KLHL26: variants seen among roughly 807,000 people sequenced by gnomAD.
KLHL26 encodes the protein kelch-like protein 26.
A neutral mutation model predicts 7.1 loss-of-function variants in KLHL26; 4 were observed. The ratio of observed to expected loss-of-function variants is 0.56; its 90% CI spans 0.28 to 1.28. The LOEUF (loss-of-function observed/expected upper bound fraction) is 1.28, where lower values mean the gene tolerates loss of function less well. Among genes scored for constraint, KLHL26 ranks in the 50% most tolerant of loss-of-function variants. KLHL26 has a pLI of 0.11. For missense variants in KLHL26, 896 were observed against 924.6 expected, an observed-to-expected ratio of 0.97 and a Z score of 0.40; for synonymous variants, 465 against 414.1, an observed-to-expected ratio of 1.12 and a Z score of -1.49.
At chr19:18,642,228 C>G (rs1372368339) in intron 1 of KLHL26, among the ~76,000 whole-genome samples, 1 of 152,068 alleles carries the variant, frequency 6.6e-6, no homozygotes, top group African/African-American at 2.4e-5. Flanking sequence ...TCAACCTGCC[C>G]ACGTCTCCTT....
At chr19:18,653,369 ACCAC>A (rs1488364894) in intron 1 of KLHL26, among the ~76,000 whole-genome samples, 1 of 62,596 alleles carries the variant, frequency 1.6e-5, no homozygotes, top group Non-Finnish European at 3.3e-5. Flanking sequence ...CATCCACCCC[ACCAC>A]CCACCCACCC....
intron 1 of KLHL26, among the ~76,000 whole-genome samples, chr19:18,663,279 C>T (rs1485746075): frequency 6.6e-6 from 1 of 152,184 alleles, no homozygotes; most frequent in Non-Finnish European, 1.5e-5. Context: ...GCCCCTCTCC[C>T]CGGCAGTTTG....
chr19:18,668,715 T>G lies in KLHL26; in HGVS notation c.1318T>G (p.Trp440Gly). ...VERYCPRRNE[W>G]GYACSLKRRT... Reference sequence around the variant, plus strand: ...GCGGTACTGCCCCCGGCGCAATGAGTGGGGCTACGCCTGCTCGCTGAAGCG... The same window carrying G: ...GCGGTACTGCCCCCGGCGCAATGAGGGGGGCTACGCCTGCTCGCTGAAGCG... The change falls in exon 3 of 3, where the codon TGG (tryptophan) becomes GGG (glycine). Residue 440 changes from tryptophan (W) to glycine (G), a missense_variant. By Grantham distance (184) the Trp-to-Gly change is radical (BLOSUM62 -2). Coordinates refer to ENST00000300976, the MANE Select transcript of KLHL26 (RefSeq NM_018316.3). The G allele has an allele frequency of 6.4e-7, 1 of 1,572,226 alleles. No individual in the cohort carries two copies. The highest frequency in any genetic ancestry group is 8.6e-7 in the Non-Finnish European group (1 of 1,163,780).
rs2052515085 is a variant in KLHL26 at position 18,670,330 on chromosome 19, A to C, written c.*1085A>C. 1 of 151,148 alleles carries C rather than the reference A, an allele frequency of 6.6e-6. No individual in the cohort carries two copies. Among genetic ancestry groups the C allele is most frequent in the Non-Finnish European group, 1.5e-5 (1 of 67,620 alleles). 9.4% of individuals were successfully genotyped at this position (151,148 alleles called of 1,614,324 possible). A position where few individuals can be genotyped will look rare whatever the true frequency, so the allele number is the denominator to read the frequency against. ...AGAAGCCAGCACTGCTGTCTCATAG[A>C]TGGGATTTGTACTCTTGGGGCAACT... On this transcript the variant is annotated 3_prime_UTR_variant, in exon 3 of 3. Transcript: ENST00000300976.
At chr19:18,667,190 C>T (rs988398689) in intron 2 of KLHL26, among the ~76,000 whole-genome samples, 4 of 151,368 alleles carry the variant, frequency 2.6e-5, no homozygotes, top group Non-Finnish European at 5.9e-5. Context: ...GACAGAGTCT[C>T]ACTCTTATTG....
rs925865415 is a variant in KLHL26, at chr19:18,649,918, G to A, written c.83+12781G>A. Among the ~76,000 whole-genome samples the A allele has an allele frequency of 2.0e-5, 3 of 152,224 alleles. No homozygotes were observed. Among genetic ancestry groups the A allele is most frequent in the African/African-American group, 7.2e-5 (3 of 41,452 alleles). ...GATTTCAGACCCCTCACTGCGCAGC[G>A]GAGTGCCTGATCGCTCTGTGTGCAC... On this transcript the variant is annotated intron_variant, in intron 1 of 2. Coordinates refer to ENST00000300976, the MANE Select transcript of KLHL26 (RefSeq NM_018316.3). The surrounding 1 kb of genome is among the most constrained non-coding windows in gnomAD (Gnocchi z 4.0).
chr19:18,662,559 G>A (rs867363074), intron 1 of KLHL26, among the ~76,000 whole-genome samples: 3 of 152,336 alleles, frequency 2.0e-5, no homozygotes, highest in South Asian at 2.1e-4. Flanking sequence ...GACCTTGAGG[G>A]TCCTCAGAGG....
intron 2 of KLHL26, among the ~76,000 whole-genome samples, chr19:18,664,969 G>T (rs915756491): frequency 1.6e-4 from 25 of 152,020 alleles, no homozygotes; most frequent in African/African-American, 5.5e-4. Flanking sequence ...GGCAGAACAT[G>T]CCTGGAGGGA....
intron 1 of KLHL26, among the ~76,000 whole-genome samples, chr19:18,655,750 T>TCATGCTATGGAGGCAGAGAGCTTGC (rs1555767925): frequency 1.3e-5 from 2 of 152,258 alleles, no homozygotes; most frequent in Admixed American, 6.5e-5. Context: ...CCCCTTGTCT[T>TCATGCTATGGAGGCAGAGAGCTTGC]CTGGGCCTTT....
At chr19:18,660,041 T>A (rs551204292) in intron 1 of KLHL26, among the ~76,000 whole-genome samples, 1 of 152,248 alleles carries the variant, frequency 6.6e-6, no homozygotes, top group African/African-American at 2.4e-5. Flanking sequence ...AGTGAGCAGG[T>A]GGTCCCAGGG....
chr19:18,639,478 C>T lies in KLHL26; in HGVS notation c.83+2341C>T, dbSNP rs985422741. Reference sequence around the variant, plus strand: ...AGGCTGGAGTGCAGTAGTGTGATCTCGGCTCACTGCAACCTTTGCCTCCTG... The same window carrying T: ...AGGCTGGAGTGCAGTAGTGTGATCTTGGCTCACTGCAACCTTTGCCTCCTG... On this transcript the variant is annotated intron_variant, in intron 1 of 2. Coordinates refer to ENST00000300976, the MANE Select transcript of KLHL26 (RefSeq NM_018316.3). 9.3e-5 allele frequency among the ~76,000 whole-genome samples: 12 copies of T among 128,598 alleles called. 1 individual carries two copies. The highest frequency in any genetic ancestry group is 6.3e-5 in the Non-Finnish European group (4 of 63,576). The allele number at this position is 128,598 out of a possible 152,430, so 84.4% of individuals were successfully genotyped here.
At chr19:18,645,368 T>C (rs1976783837) in intron 1 of KLHL26, among the ~76,000 whole-genome samples, 1 of 152,134 alleles carries the variant, frequency 6.6e-6, no homozygotes, top group Non-Finnish European at 1.5e-5. Flanking sequence ...CCTTGCAGCC[T>C]CTCCGACATG....
intron 2 of KLHL26, 143 bp downstream of exon 2, chr19:18,664,586 C>CTT (rs796201839): frequency 1.3e-3 from 610 of 465,270 alleles, no homozygotes; most frequent in South Asian, 2.4e-3. Flanking sequence ...ACCGGCTGCT[C>CTT]TTTTTTTTTT....
chr19:18,637,193 T>C, intron 1 of KLHL26, 56 bp downstream of exon 1: 1 of 1,263,962 alleles, frequency 7.9e-7, no homozygotes, highest in Non-Finnish European at 1.0e-6. Context: ...AGGAAACCTG[T>C]GGGCAGTCTT....
chr19:18,664,586 C>G (rs1047588856), intron 2 of KLHL26, 143 bp downstream of exon 2: 2 of 469,004 alleles, frequency 4.3e-6, no homozygotes, highest in Admixed American at 8.3e-5. Flanking sequence ...ACCGGCTGCT[C>G]TTTTTTTTTT....
At chr19:18,653,929 T>G (rs2145390689) in intron 1 of KLHL26, among the ~76,000 whole-genome samples, 1 of 59,430 alleles carries the variant, frequency 1.7e-5, no homozygotes, top group Admixed American at 2.0e-4. Flanking sequence ...CCACCTGCCC[T>G]TCCATCCACC....
Position 18,664,378 on chromosome 19 carries a change from G to C in KLHL26, c.201G>C (p.Leu67=). ...RAQGQLLDVV[L]TINREAFPAH... is the part of the protein sequence containing the mutation. ...AGGGCCAGCTCCTCGATGTTGTGCT[G>C]ACTATTAACAGAGAGGCCTTTCCTG... Residue 67 remains leucine (L), a synonymous_variant, in exon 2 of 3, where the codon CTG becomes CTC. Coordinates refer to ENST00000300976, the MANE Select transcript of KLHL26 (RefSeq NM_018316.3). 1 of 1,609,572 alleles carries C rather than the reference G, an allele frequency of 6.2e-7. No homozygotes were observed.
rs1422849741 is a variant in KLHL26 at position 18,646,147 on chromosome 19, T to TGAC, written c.83+9012_83+9014dup. Among the ~76,000 whole-genome samples the TGAC allele has an allele frequency of 2.6e-5, 4 of 152,058 alleles. No individual in the cohort carries two copies. Among genetic ancestry groups the TGAC allele is most frequent in the Non-Finnish European group, 5.9e-5 (4 of 68,008 alleles). On this transcript the variant is annotated intron_variant, in intron 1 of 2. Transcript: ENST00000300976. The surrounding 1 kb of genome is among the most constrained non-coding windows in gnomAD (Gnocchi z 5.0). ...CTTTTTTATTATTATTAATTTTTTTTGACGTCACTCTGAGCTCAGGCTGGA... is the reference window on the plus strand; with the variant it reads ...CTTTTTTATTATTATTAATTTTTTTTGACGACGTCACTCTGAGCTCAGGCTGGA...
At chr19:18,643,589 C>T (rs932603508) in intron 1 of KLHL26, among the ~76,000 whole-genome samples, 4 of 151,806 alleles carry the variant, frequency 2.6e-5, no homozygotes, top group African/African-American at 7.3e-5. Context: ...AGCGATTCTC[C>T]TGCCTCAGCC....
Sources: gnomAD v4.1 joint callset for allele counts (sites outside exome capture counted in the v4.1 genomes callset) on GRCh38, gnomAD v4.1.1 for gene constraint, Gnocchi (gnomAD v3.1) non-coding constraint, MANE v1.5 for transcripts, NCBI Gene and HGNC (gene_info 2026-07-23, HGNC 2026-07-21) for gene names.